The following TMX1 variants were observed in gnomAD, a reference collection of about 807,000 sequenced individuals.
TMX1 encodes the protein thioredoxin related transmembrane protein 1.
Under a neutral mutation model 36.6 loss-of-function variants are expected in TMX1, and 25 were observed. The ratio of observed to expected loss-of-function variants is 0.68; its 90% confidence interval spans 0.50 to 0.95. The LOEUF is 0.95. Among genes scored for constraint, TMX1 ranks in the 40% least tolerant of loss-of-function variants. TMX1 has a pLI of 0.00. For synonymous variants in TMX1, 133 were observed against 118.0 expected (o/e 1.13, Z -0.82); for missense variants, 347 against 339.6 (o/e 1.02, Z -0.17).
intron 7 of TMX1, among the ~76,000 whole-genome samples, chr14:51,251,511 G>T (rs538747953): frequency 6.6e-6 from 1 of 152,042 alleles, no homozygotes; most frequent in Non-Finnish European, 1.5e-5. Flanking sequence ...CAGAAAATCC[G>T]TTGTGTGATA....
chr14:51,257,557 A>C lies in TMX1; in HGVS notation c.*3038A>C, dbSNP rs781569271. ...TTTAATTGAACATCATTGGAGATTT[A>C]GATATGTTGGTACTGCTTATCTAGC... On this transcript the variant is annotated 3_prime_UTR_variant, in exon 8 of 8. Transcript: ENST00000457354. 6.6e-6 allele frequency: 1 copy of C among 152,216 alleles called. No homozygotes were observed. Among genetic ancestry groups the C allele is most frequent in the South Asian group, 2.1e-4 (1 of 4,834 alleles). 9.4% of individuals were successfully genotyped at this position (152,216 alleles called of 1,614,324 possible).
chr14:51,254,495 A>G lies in TMX1; in HGVS notation c.819A>G (p.Pro273=), dbSNP rs1415885766. The G allele has an allele frequency of 6.2e-7, 1 of 1,600,792 alleles. No individual in the cohort carries two copies. The highest frequency in any genetic ancestry group is 8.5e-7 in the Non-Finnish European group (1 of 1,176,756). The change falls in exon 8 of 8, where the codon CCA becomes CCG. Residue 273 remains proline (P), a synonymous_variant. Transcript: ENST00000457354. ...QNAIRQRSLG[P]SLATDKS is the part of the protein sequence containing the mutation. ...CCATAAGACAACGCTCTCTGGGTCC[A>G]TCATTGGCCACAGATAAATCCTAGT...
chr14:51,240,334 G>A lies in TMX1; in HGVS notation c.42G>A (p.Leu14=). ...SGSLAVPLAV[L]VLLLWGAPWT... is the part of the protein sequence containing the mutation. ...GTCTTGCAGTTCCCCTGGCAGTCCT[G>A]GTGCTGTTGCTTTGGGGTGCTCCCT... is the stretch of plus-strand genomic sequence containing the variant. Residue 14 remains leucine (L), a synonymous_variant, in exon 1 of 8, where the codon CTG becomes CTA. Coordinates refer to ENST00000457354, the MANE Select transcript of TMX1 (RefSeq NM_030755.5). 6.2e-7 allele frequency: 1 copy of A among 1,613,770 alleles called. No homozygotes were observed. Among genetic ancestry groups the A allele is most frequent in the Non-Finnish European group, 8.5e-7 (1 of 1,180,012 alleles).
intron 2 of TMX1, among the ~76,000 whole-genome samples, chr14:51,244,912 G>A (rs1254186591): frequency 3.3e-5 from 5 of 151,992 alleles, no homozygotes; most frequent in Non-Finnish European, 4.4e-5. Context: ...TCCATTTTTA[G>A]CAGCACCATA....
Position 51,240,409 on chromosome 14 carries a change from G to A in TMX1, c.117G>A (p.Trp39Ter). ...SNVRVITDEN[W>*]RELLEGDWMI... Reference sequence around the variant, plus strand: ...TTCGCGTCATCACGGACGAGAACTGGAGAGAACTGCTGGAAGGAGACTGGA... The same window carrying A: ...TTCGCGTCATCACGGACGAGAACTGAAGAGAACTGCTGGAAGGAGACTGGA... The change falls in exon 1 of 8, where the codon TGG (tryptophan) becomes TGA (stop). Residue 39 changes from tryptophan (W) to a stop codon, truncating the protein, a stop_gained. Transcript: ENST00000457354. LOFTEE classifies it high-confidence loss of function. The A allele has an allele frequency of 6.2e-7, 1 of 1,614,056 alleles. No individual in the cohort carries two copies. The highest frequency in any genetic ancestry group is 8.5e-7 in the Non-Finnish European group (1 of 1,180,026).
chr14:51,257,147 G>T lies in TMX1; in HGVS notation c.*2628G>T, dbSNP rs141150639. The T allele has an allele frequency of 6.6e-6, 1 of 152,118 alleles. No individual in the cohort carries two copies. Among genetic ancestry groups the T allele is most frequent in the South Asian group, 2.1e-4 (1 of 4,810 alleles). The allele number at this position is 152,118 out of a possible 1,614,324, so 9.4% of individuals were successfully genotyped here. The stretch of plus-strand genomic sequence containing the variant: ...ATTTTGGTCTTAAAATTTCACTCCT[G>T]TCAGAATGTAGGAGTGAATAAATGC... On this transcript the variant is annotated 3_prime_UTR_variant, in exon 8 of 8. Coordinates refer to ENST00000457354, the MANE Select transcript of TMX1 (RefSeq NM_030755.5).
At chr14:51,241,182 A>T (rs2065759125) in intron 1 of TMX1, among the ~76,000 whole-genome samples, 1 of 152,208 alleles carries the variant, frequency 6.6e-6, no homozygotes, top group African/African-American at 2.4e-5. Context: ...CAAGAGCGCC[A>T]GGTCATCATT....
At chr14:51,253,075 AT>A (rs2065822310) in intron 7 of TMX1, among the ~76,000 whole-genome samples, 1 of 151,844 alleles carries the variant, frequency 6.6e-6, no homozygotes, top group South Asian at 2.1e-4. Flanking sequence ...ACACCCACCT[AT>A]TTTTTGGAGA....
Position 51,254,948 on chromosome 14 carries a change from G to A in TMX1, c.*429G>A, listed in dbSNP as rs1257430667. The A allele has an allele frequency of 6.6e-6, 1 of 152,632 alleles. No individual in the cohort carries two copies. Among genetic ancestry groups the A allele is most frequent in the East Asian group, 1.9e-4 (1 of 5,202 alleles). The allele number at this position is 152,632 out of a possible 1,614,324, so 9.5% of individuals were successfully genotyped here. A position where few individuals can be genotyped will look rare whatever the true frequency, so the allele number is the denominator to read the frequency against. Reference sequence around the variant, plus strand: ...AGAAGATATTTCCCATAAATGGGAAGTTTGCCCATTGTCTCAAGAAATGTG... The same window carrying A: ...AGAAGATATTTCCCATAAATGGGAAATTTGCCCATTGTCTCAAGAAATGTG... On this transcript the variant is annotated 3_prime_UTR_variant, in exon 8 of 8. Transcript: ENST00000457354.
In TMX1 at chr14:51,249,718, T is replaced by C. The variant is rs760360008; in HGVS notation, c.617T>C (p.Leu206Pro). Residue 206 changes from leucine to proline, a missense_variant, in exon 7 of 8, where the codon CTT (leucine) becomes CCT (proline). Transcript: ENST00000457354. ...TGTATGATATTTGTGGCAGATTGCC[T>C]TTGTCCTTCAAAAAGGCGCAGACCA... ...GLCMIFVADC[L>P]CPSKRRRPQP... 6.2e-7 allele frequency: 1 copy of C among 1,613,496 alleles called. No individual in the cohort carries two copies. Among genetic ancestry groups the C allele is most frequent in the Admixed American group, 1.7e-5 (1 of 59,962 alleles).
chr14:51,240,607 G>GA (rs2140468358), intron 1 of TMX1, among the ~76,000 whole-genome samples, 163 bp downstream of exon 1: 1 of 152,308 alleles, frequency 6.6e-6, no homozygotes, highest in South Asian at 2.1e-4. Flanking sequence ...TCTGCCGCCA[G>GA]CTTGGTCCCA....
chr14:51,257,496 GTGGTT>G lies in TMX1; in HGVS notation c.*2979_*2983del, dbSNP rs1566714528. The G allele has an allele frequency of 6.6e-6, 1 of 152,128 alleles. No individual in the cohort carries two copies. Among genetic ancestry groups the G allele is most frequent in the South Asian group, 2.1e-4 (1 of 4,826 alleles). 9.4% of individuals were successfully genotyped at this position (152,128 alleles called of 1,614,324 possible). A position where few individuals can be genotyped will look rare whatever the true frequency, so the allele number is the denominator to read the frequency against. ...TATTTCAGTTGGACTTATTAAATGAGTGGTTTTGCTGAGTGTATGAGTCTATAAAT... is the reference window on the plus strand; with the variant it reads ...TATTTCAGTTGGACTTATTAAATGAGTTGCTGAGTGTATGAGTCTATAAAT... On this transcript the variant is annotated 3_prime_UTR_variant, in exon 8 of 8. Coordinates refer to ENST00000457354, the MANE Select transcript of TMX1 (RefSeq NM_030755.5).
chr14:51,245,130 A>G (rs1200226866), intron 2 of TMX1, among the ~76,000 whole-genome samples, 183 bp from the exon 3 acceptor site: 1 of 152,196 alleles, frequency 6.6e-6, no homozygotes, highest in Non-Finnish European at 1.5e-5. Context: ...AATGTGCAGT[A>G]TTGTGTTTTT....
chr14:51,246,712 T>G (rs1467402036), intron 3 of TMX1, among the ~76,000 whole-genome samples: 2 of 152,360 alleles, frequency 1.3e-5, no homozygotes, highest in East Asian at 3.9e-4. Context: ...TTTTAAGTTA[T>G]AGCTTAACAG....
intron 3 of TMX1, chr14:51,245,819 C>G (rs1256614620): frequency 3.8e-6 from 1 of 263,370 alleles, no homozygotes; most frequent in African/African-American, 2.2e-5. Context: ...CATGTTATGT[C>G]CAAAAAGTAG....
intron 1 of TMX1, among the ~76,000 whole-genome samples, chr14:51,240,923 G>A (rs1436000819): frequency 6.6e-6 from 1 of 152,020 alleles, no homozygotes; most frequent in Non-Finnish European, 1.5e-5. Context: ...GGAATTTGGC[G>A]CTTTTAAGCT....
rs2065834223 is a variant in TMX1 at position 51,255,446 on chromosome 14, C to G, written c.*927C>G. ...GAAGGTGAACATTCCTGATTTTTGT[C>G]TGATGTGAAAAAGCCTTGGTATTTT... On this transcript the variant is annotated 3_prime_UTR_variant, in exon 8 of 8. Transcript: ENST00000457354. The G allele has an allele frequency of 7.2e-6, 1 of 138,496 alleles. No homozygotes were observed. The highest frequency in any genetic ancestry group is 2.8e-5 in the African/African-American group (1 of 36,178). The allele number at this position is 138,496 out of a possible 1,614,324, so 8.6% of individuals were successfully genotyped here.
rs754186618 is a variant in TMX1 at position 51,257,633 on chromosome 14, T to C, written c.*3114T>C. On this transcript the variant is annotated 3_prime_UTR_variant, in exon 8 of 8. Transcript: ENST00000457354. ...AAACTAGAGTAACAATAAATTTAAG[T>C]TGGAATTTTGGTAATATGTAAATAG... The C allele has an allele frequency of 6.6e-6, 1 of 152,154 alleles. No homozygotes were observed. The highest frequency in any genetic ancestry group is 1.5e-5 in the Non-Finnish European group (1 of 68,024). The allele number at this position is 152,154 out of a possible 1,614,324, so 9.4% of individuals were successfully genotyped here. A position where few individuals can be genotyped will look rare whatever the true frequency, so the allele number is the denominator to read the frequency against.
chr14:51,247,747 T>C (rs1045006234), intron 4 of TMX1, among the ~76,000 whole-genome samples: 1 of 152,218 alleles, frequency 6.6e-6, no homozygotes, highest in African/African-American at 2.4e-5. Flanking sequence ...AAGTAAGTTG[T>C]ACACCTTTTC....
Sources: allele counts gnomAD v4.1 joint callset (sites outside exome capture counted in the v4.1 genomes callset), GRCh38; gene constraint gnomAD v4.1.1; transcripts MANE v1.5; gene names NCBI Gene and HGNC (gene_info 2026-07-23, HGNC 2026-07-21).